The following DISC1 variants were observed in gnomAD, a reference collection of about 807,000 sequenced individuals.
DISC1 encodes disrupted in schizophrenia 1 protein.
A neutral mutation model predicts 84.5 loss-of-function variants in DISC1; 57 were observed. The ratio of observed to expected loss-of-function variants is 0.67; its 90% CI spans 0.55 to 0.84. The LOEUF is 0.84. Among genes scored for constraint, DISC1 ranks in the 40% least tolerant of loss-of-function variants. The pLI is 0.00. For missense variants in DISC1, 1,000 were observed against 1,057.8 expected, an observed-to-expected ratio of 0.95 and a Z score of 0.76; for synonymous variants, 411 against 415.2, an observed-to-expected ratio of 0.99 and a Z score of 0.12.
intron 9 of DISC1, among the ~76,000 whole-genome samples, chr1:231,887,259 A>G (rs770026882): frequency 1.3e-5 from 2 of 152,154 alleles, no homozygotes; most frequent in African/African-American, 4.8e-5. Context: ...AGCAACTCTT[A>G]AAGACAGATG....
chr1:231,858,100 A>G (rs1192382976), intron 9 of DISC1, among the ~76,000 whole-genome samples: 2 of 152,234 alleles, frequency 1.3e-5, no homozygotes, highest in Non-Finnish European at 2.9e-5. Flanking sequence ...GTGTCAGTTC[A>G]GTTGTTTCAC....
chr1:231,883,595 G>A (rs951953019), intron 9 of DISC1, among the ~76,000 whole-genome samples: 1 of 152,192 alleles, frequency 6.6e-6, no homozygotes, highest in African/African-American at 2.4e-5. Context: ...TCTCAGCAAG[G>A]TGGGAGGTCA....
At position 231,722,636 on chromosome 1, in the gene DISC1, T is replaced by C. The variant is rs146782104; in HGVS notation, c.1117+20612T>C. ...CCAAATTTAAACAAAGCAAGACAAATAGATATCCACACAGCGTAGATCATG... is the reference window on the plus strand; with the variant it reads ...CCAAATTTAAACAAAGCAAGACAAACAGATATCCACACAGCGTAGATCATG... On this transcript the variant is annotated intron_variant, in intron 3 of 12. Coordinates refer to ENST00000439617, the MANE Select transcript of DISC1 (RefSeq NM_018662.3). 9.8e-5 allele frequency: 158 copies of C among 1,613,794 alleles called. No homozygotes were observed. In the African/African-American group the frequency reaches 1.8e-3, roughly 19 times the overall value.
chr1:231,663,769 T>C (rs1254025796), intron 1 of DISC1, among the ~76,000 whole-genome samples: 1 of 152,194 alleles, frequency 6.6e-6, no homozygotes, highest in Non-Finnish European at 1.5e-5. Flanking sequence ...ATTTGTTTGG[T>C]CTCCTCCATA....
At chr1:231,662,167 C>T (rs1263431133) in intron 1 of DISC1, among the ~76,000 whole-genome samples, 2 of 152,186 alleles carry the variant, frequency 1.3e-5, no homozygotes, top group African/African-American at 4.8e-5. Flanking sequence ...CTGGCCAGAA[C>T]ATATCTGTAA....
intron 9 of DISC1, among the ~76,000 whole-genome samples, chr1:231,841,292 T>C (rs955149698): frequency 6.6e-6 from 1 of 152,240 alleles, no homozygotes; most frequent in Admixed American, 6.5e-5. Context: ...TTATTATTAT[T>C]GACTAAGCAG....
intron 6 of DISC1, among the ~76,000 whole-genome samples, chr1:231,773,173 A>G (rs2076686950): frequency 6.6e-6 from 1 of 152,202 alleles, no homozygotes; most frequent in Admixed American, 6.5e-5. Context: ...CAGAGAGCCA[A>G]GGAAGCTATT....
chr1:231,772,371 G>A (rs1432087253), intron 6 of DISC1, among the ~76,000 whole-genome samples: 3 of 152,102 alleles, frequency 2.0e-5, no homozygotes, highest in Admixed American at 2.0e-4. Context: ...AGTAAGGACT[G>A]CAAGTGCTAC....
chr1:231,645,726 T>C (rs1374025328), intron 1 of DISC1, among the ~76,000 whole-genome samples: 1 of 152,082 alleles, frequency 6.6e-6, no homozygotes, highest in African/African-American at 2.4e-5. Context: ...AGTGTTCTCA[T>C]TGCTCAATTC....
At chr1:231,898,269 A>C (rs1456557297) in intron 9 of DISC1, among the ~76,000 whole-genome samples, 1 of 151,966 alleles carries the variant, frequency 6.6e-6, no homozygotes, top group Non-Finnish European at 1.5e-5. Flanking sequence ...GGCCCTAAAA[A>C]TATAACATAC....
At chr1:231,651,192 C>T (rs1326431007) in intron 1 of DISC1, among the ~76,000 whole-genome samples, 1 of 152,188 alleles carries the variant, frequency 6.6e-6, no homozygotes, top group Non-Finnish European at 1.5e-5. Context: ...TTCTCCCCAT[C>T]TTTGTGGTTT....
chr1:231,899,450 G>A (rs821723), intron 9 of DISC1, among the ~76,000 whole-genome samples: 138,691 of 152,212 alleles, frequency 0.91, 63,300 homozygotes, highest in East Asian at 0.99. Flanking sequence ...TGGCCCCTTG[G>A]CTCATCAAAA....
chr1:231,722,655 G>C (rs2069972193), intron 3 of DISC1: 4 of 1,612,656 alleles, frequency 2.5e-6, no homozygotes, highest in South Asian at 2.2e-5. Context: ...ACACAGCGTA[G>C]ATCATGACTT....
chr1:231,968,395 T>C (rs1661392818), intron 10 of DISC1, among the ~76,000 whole-genome samples: 1 of 152,066 alleles, frequency 6.6e-6, no homozygotes, highest in East Asian at 1.9e-4. Flanking sequence ...AACTCTTCCC[T>C]TCTCGGTACC....
At chr1:231,879,851 A>C (rs1228487512) in intron 9 of DISC1, among the ~76,000 whole-genome samples, 1 of 152,152 alleles carries the variant, frequency 6.6e-6, no homozygotes, top group East Asian at 1.9e-4. Context: ...ACATAATTTG[A>C]GGTGCATTAG....
At chr1:231,843,669 A>G (rs978269671) in intron 9 of DISC1, among the ~76,000 whole-genome samples, 3 of 152,192 alleles carry the variant, frequency 2.0e-5, no homozygotes, top group Non-Finnish European at 2.9e-5. Context: ...GCTTAGAGGC[A>G]GGAGGTGCAG....
At chr1:231,684,155 G>T (rs531591173) in intron 1 of DISC1, among the ~76,000 whole-genome samples, 81 of 152,048 alleles carry the variant, frequency 5.3e-4, no homozygotes, top group African/African-American at 1.7e-3. Flanking sequence ...TTTAGAGATG[G>T]GGTTTTGCTA....
intron 9 of DISC1, among the ~76,000 whole-genome samples, chr1:231,834,912 G>A (rs2082519136): frequency 6.6e-6 from 1 of 152,192 alleles, no homozygotes; most frequent in South Asian, 2.1e-4. Context: ...CTGTCTTCCC[G>A]AGTCCGTGAA....
chr1:231,989,350 G>T (rs1664877616), intron 10 of DISC1, among the ~76,000 whole-genome samples: 1 of 152,164 alleles, frequency 6.6e-6, no homozygotes, highest in Admixed American at 6.5e-5. Context: ...TCTAATCTTT[G>T]GTGATGGCAT....
Sources: gnomAD v4.1 joint callset for allele counts (sites outside exome capture counted in the v4.1 genomes callset) on GRCh38, gnomAD v4.1.1 for gene constraint, MANE v1.5 for transcripts, NCBI Gene and HGNC (gene_info 2026-07-23, HGNC 2026-07-21) for gene names.